Variants in DAAM1 observed in about 807,000 individuals in gnomAD.
DAAM1 encodes disheveled-associated activator of morphogenesis 1.
In DAAM1, 52 loss-of-function variants were observed where a neutral mutation model predicts 130.0. The observed-to-expected ratio is 0.40, with a 90% CI of 0.32 to 0.50. The LOEUF (loss-of-function observed/expected upper bound fraction) is 0.50, where lower values mean the gene tolerates loss of function less well. Among genes scored for constraint, DAAM1 ranks in the 20% least tolerant of loss-of-function variants. The pLI, the probability that DAAM1 is intolerant of heterozygous loss-of-function variation, is 0.61. For missense variants in DAAM1, 1,134 were observed against 1,303.8 expected, an observed-to-expected ratio of 0.87 and a Z score of 2.01; for synonymous variants, 452 against 444.5, an observed-to-expected ratio of 1.02 and a Z score of -0.21.
At chr14:59,351,160 C>T (rs912472449) in intron 17 of DAAM1, among the ~76,000 whole-genome samples, 1 of 151,968 alleles carries the variant, frequency 6.6e-6, no homozygotes, top group East Asian at 2.0e-4. Flanking sequence ...CTTCCTCTCT[C>T]ATATACCACA....
At chr14:59,335,119 T>G (rs1445090599) in intron 15 of DAAM1, among the ~76,000 whole-genome samples, 1 of 152,228 alleles carries the variant, frequency 6.6e-6, no homozygotes, top group Non-Finnish European at 1.5e-5. Context: ...AGGGACATAA[T>G]TCCCAATTTC....
intron 1 of DAAM1, among the ~76,000 whole-genome samples, chr14:59,225,882 G>T (rs1383950870): frequency 6.6e-6 from 1 of 152,106 alleles, no homozygotes; most frequent in African/African-American, 2.4e-5. Flanking sequence ...GTAAGATCAT[G>T]CTATTAAAAA....
intron 1 of DAAM1, among the ~76,000 whole-genome samples, chr14:59,199,856 C>A (rs1888043857): frequency 6.6e-6 from 1 of 152,192 alleles, no homozygotes; most frequent in African/African-American, 2.4e-5. Flanking sequence ...AGTAACATCC[C>A]CTCCTCCAGT....
At chr14:59,322,818 C>T in intron 5 of DAAM1, 74 bp from the exon 6 acceptor site, 1 of 1,248,804 alleles carries the variant, frequency 8.0e-7, no homozygotes, top group Non-Finnish European at 1.1e-6. Context: ...TTCCCCTGCC[C>T]TCTAGACTTT....
chr14:59,254,647 C>T (rs547380253), intron 1 of DAAM1, among the ~76,000 whole-genome samples: 5 of 152,258 alleles, frequency 3.3e-5, no homozygotes, highest in Admixed American at 3.3e-4. Flanking sequence ...GGGTTTGGCT[C>T]CTCTCCCAGA....
chr14:59,330,425 G>C (rs1885380976), intron 12 of DAAM1, 76 bp from the exon 13 acceptor site: 1 of 1,357,134 alleles, frequency 7.4e-7, no homozygotes, highest in Admixed American at 2.5e-5. Flanking sequence ...ATCATCCTCA[G>C]TCAATTTTCT....
chr14:59,199,480 C>A (rs189316073), intron 1 of DAAM1, among the ~76,000 whole-genome samples: 1 of 152,108 alleles, frequency 6.6e-6, no homozygotes, highest in African/African-American at 2.4e-5. Flanking sequence ...GCTTGGCCAG[C>A]ACAGTATTAT....
At position 59,282,603 on chromosome 14, in the gene DAAM1, C is replaced by T. The variant is rs114771961; in HGVS notation, c.184-8614C>T. On this transcript the variant is annotated intron_variant, in intron 2 of 24. Transcript: ENST00000360909. ...TGCCTACCTGTGTTGACAGAATGAA[C>T]AGTGTGGTGGTGAAGAACATGGGCT... is the stretch of plus-strand genomic sequence containing the variant. 6.1e-3 allele frequency among the ~76,000 whole-genome samples: 925 copies of T among 152,196 alleles called. 15 individuals carry two copies. The highest frequency in any genetic ancestry group is 0.022 in the African/African-American group (895 of 41,526).
Position 59,322,994 on chromosome 14 carries a change from C to G in DAAM1, c.543C>G (p.Leu181=). The G allele has an allele frequency of 6.2e-7, 1 of 1,614,166 alleles. No homozygotes were observed. The highest frequency in any genetic ancestry group is 8.5e-7 in the Non-Finnish European group (1 of 1,180,016). The change falls in exon 6 of 25, where the codon CTC becomes CTG. Residue 181 remains leucine (L), a synonymous_variant. Coordinates refer to ENST00000360909, the MANE Select transcript of DAAM1 (RefSeq NM_001270520.2). The stretch of plus-strand genomic sequence containing the variant: ...CAGAGTCTCGAATACATACTTCTCT[C>G]ATTGGCTGTATAAAGGCGTTAATGA... ...ETSESRIHTS[L]IGCIKALMNN...
Position 59,325,797 on chromosome 14 carries a change from T to C in DAAM1, c.1056+67T>C, listed in dbSNP as rs1885182636. ...ACATTATTTCTGTCTGTAATGTGTG[T>C]TGTAGAGTCCACATGGACTTTAGGG... On this transcript the variant is annotated intron_variant, in intron 9 of 24. Transcript: ENST00000360909. 9 of 1,580,490 alleles carry C rather than the reference T, an allele frequency of 5.7e-6. No individual in the cohort carries two copies. In the East Asian group the frequency reaches 1.1e-4, roughly 20 times the overall value.
intron 1 of DAAM1, among the ~76,000 whole-genome samples, chr14:59,238,268 C>A (rs559804456): frequency 6.6e-6 from 1 of 152,104 alleles, no homozygotes; most frequent in South Asian, 2.1e-4. Context: ...CCACTAAGAC[C>A]TAGCAGTCCT....
intron 20 of DAAM1, among the ~76,000 whole-genome samples, chr14:59,356,765 G>A (rs925324024): frequency 9.2e-5 from 14 of 152,208 alleles, no homozygotes; most frequent in African/African-American, 2.7e-4. Flanking sequence ...TGGCACTTAC[G>A]TGATTATCTG....
intron 17 of DAAM1, among the ~76,000 whole-genome samples, chr14:59,349,712 C>T (rs1197697320): frequency 6.6e-6 from 1 of 152,240 alleles, no homozygotes; most frequent in African/African-American, 2.4e-5. Flanking sequence ...CCTCGGAACA[C>T]ATATCTTTAT....
At chr14:59,226,275 A>C (rs1888940863) in intron 1 of DAAM1, among the ~76,000 whole-genome samples, 1 of 152,210 alleles carries the variant, frequency 6.6e-6, no homozygotes, top group Non-Finnish European at 1.5e-5. Flanking sequence ...TAGAGAAGGC[A>C]CCAAGTAGCA....
At chr14:59,224,640 ATTGAG>A (rs1397848436) in intron 1 of DAAM1, among the ~76,000 whole-genome samples, 7 of 152,192 alleles carry the variant, frequency 4.6e-5, no homozygotes, top group Non-Finnish European at 8.8e-5. Context: ...TTGGTACTGG[ATTGAG>A]TTAAGACTTT....
rs1170906933 is a variant in DAAM1, at chr14:59,325,990, A to G, written c.1087A>G (p.Met363Val). Residue 363 changes from methionine (M) to valine (V), a missense_variant, in exon 10 of 25, where the codon ATG becomes GTG. Around this residue, in one of 3 missense-constraint regions of DAAM1, gnomAD observed 391 missense variants for 521.6 expected, o/e 0.75. Coordinates refer to ENST00000360909, the MANE Select transcript of DAAM1 (RefSeq NM_001270520.2). ...VHIDTKSATQ[M>V]FELTRKRLTH... ...CATAGACACAAAAAGTGCAACTCAG[A>G]TGTTTGAGCTGACCAGGAAGAGGCT... is the stretch of plus-strand genomic sequence containing the variant. The G allele has an allele frequency of 6.2e-7, 1 of 1,614,192 alleles. No individual in the cohort carries two copies. The highest frequency in any genetic ancestry group is 1.1e-5 in the South Asian group (1 of 91,086).
intron 17 of DAAM1, among the ~76,000 whole-genome samples, chr14:59,351,489 A>G (rs1886291099): frequency 6.6e-6 from 1 of 151,942 alleles, no homozygotes; most frequent in African/African-American, 2.4e-5. Flanking sequence ...TGATGTTACC[A>G]CTGCCCTTCC....
chr14:59,211,733 G>T (rs972106674), intron 1 of DAAM1, among the ~76,000 whole-genome samples: 12 of 152,158 alleles, frequency 7.9e-5, no homozygotes, highest in East Asian at 1.9e-4. Flanking sequence ...GTGTAAAATG[G>T]ATTATGAGAT....
intron 1 of DAAM1, among the ~76,000 whole-genome samples, chr14:59,206,642 A>G (rs1345172743): frequency 1.3e-5 from 2 of 152,244 alleles, no homozygotes; most frequent in Non-Finnish European, 1.5e-5. Flanking sequence ...ATTAATTGGA[A>G]AAAAGATTAG....
Sources: gnomAD v4.1 joint callset for allele counts (sites outside exome capture counted in the v4.1 genomes callset) on GRCh38, gnomAD v4.1.1 for gene constraint, gnomAD v4.1.1 regional missense constraint, MANE v1.5 for transcripts, NCBI Gene and HGNC (gene_info 2026-07-23, HGNC 2026-07-21) for gene names.